Variants in HABP2 observed in about 807,000 individuals in gnomAD.
HABP2 encodes hyaluronan binding protein 2.
A neutral mutation model predicts 66.5 loss-of-function variants in HABP2; 65 were observed. The observed-to-expected ratio is 0.98, with a 90% CI of 0.80 to 1.20. HABP2 has a LOEUF of 1.20. Ranked by LOEUF, HABP2 falls within the 50% of genes most tolerant of loss-of-function variation. The pLI is 0.00. For synonymous variants in HABP2, 263 were observed against 253.9 expected, an observed-to-expected ratio of 1.04 and a Z score of -0.34; for missense variants, 786 against 691.0, an observed-to-expected ratio of 1.14 and a Z score of -1.54.
At chr10:113,582,572 A>G (rs1009323802) in intron 9 of HABP2, among the ~76,000 whole-genome samples, 3 of 152,200 alleles carry the variant, frequency 2.0e-5, no homozygotes, top group Non-Finnish European at 4.4e-5. Flanking sequence ...TTAAGTGGAC[A>G]AGTAAGATGG....
intron 2 of HABP2, 109 bp from the exon 3 acceptor site, chr10:113,574,180 T>C: frequency 4.5e-6 from 3 of 672,616 alleles, no homozygotes; most frequent in Non-Finnish European, 5.4e-6. Context: ...ACATGATTCC[T>C]CCTGCAGGAC....
intron 1 of HABP2, among the ~76,000 whole-genome samples, chr10:113,558,517 C>T (rs551267013): frequency 6.6e-6 from 1 of 152,320 alleles, no homozygotes; most frequent in East Asian, 1.9e-4. Context: ...CAGTCCTTCC[C>T]CCTGGTGGGA....
chr10:113,577,320 T>A (rs1845430218), intron 5 of HABP2, 54 bp downstream of exon 5: 2 of 913,286 alleles, frequency 2.2e-6, no homozygotes, highest in Non-Finnish European at 1.8e-6. Flanking sequence ...ATCTTGTACC[T>A]GCACCCTTCT....
chr10:113,578,366 C>T (rs1845453592), intron 6 of HABP2, among the ~76,000 whole-genome samples: 4 of 152,222 alleles, frequency 2.6e-5, no homozygotes, highest in South Asian at 2.1e-4. Flanking sequence ...TCCCTAGGCC[C>T]TAGCCCACCT....
intron 12 of HABP2, among the ~76,000 whole-genome samples, chr10:113,586,472 G>T (rs1215905105): frequency 1.1e-5 from 1 of 88,304 alleles, no homozygotes. Context: ...GTGTGTGTGT[G>T]TGTGGGGGGG....
intron 7 of HABP2, among the ~76,000 whole-genome samples, 186 bp from the exon 8 acceptor site, chr10:113,580,409 A>AT (rs1204992461): frequency 6.6e-6 from 1 of 152,124 alleles, no homozygotes; most frequent in African/African-American, 2.4e-5. Flanking sequence ...AGAAGAAAAG[A>AT]TTTTGCCAGA....
At position 113,582,140 on chromosome 10, in the gene HABP2, C is replaced by A. The variant is rs770805362; in HGVS notation, c.1094+9C>A. 1 of 1,596,116 alleles carries A rather than the reference C, an allele frequency of 6.3e-7. No homozygotes were observed. The highest frequency in any genetic ancestry group is 8.5e-7 in the Non-Finnish European group (1 of 1,177,364). Reference sequence around the variant, plus strand: ...GCTGCCCACTGCACCGAGTAGGTGCCGCTGGGAGCAGGGACCAGGGTGGCT... The same window carrying A: ...GCTGCCCACTGCACCGAGTAGGTGCAGCTGGGAGCAGGGACCAGGGTGGCT... On this transcript the variant is annotated intron_variant, in intron 9 of 12. Transcript: ENST00000351270.
chr10:113,578,901 C>A (rs577334237), intron 7 of HABP2, 103 bp downstream of exon 7: 9 of 795,146 alleles, frequency 1.1e-5, no homozygotes, highest in South Asian at 6.4e-5. Flanking sequence ...TCTTACTCAG[C>A]AAGGCAATGT....
At chr10:113,563,284 G>C (rs1845133655) in intron 1 of HABP2, among the ~76,000 whole-genome samples, 2 of 152,206 alleles carry the variant, frequency 1.3e-5, no homozygotes, top group Admixed American at 1.3e-4. Context: ...ATGATGGAAT[G>C]AAAGGAGGCA....
At chr10:113,577,867 C>T (rs991452899) in intron 5 of HABP2, among the ~76,000 whole-genome samples, 159 bp from the exon 6 acceptor site, 1 of 152,224 alleles carries the variant, frequency 6.6e-6, no homozygotes, top group African/African-American at 2.4e-5. Flanking sequence ...TCTGTGTACA[C>T]TTACTAGAGT....
chr10:113,588,686 G>GCAAATGCAGACTCCAGAATCCC lies in HABP2; in HGVS notation c.*320_*341dup. ...AGACTGCCTCCACCACAGGCATCCT[G>GCAAATGCAGACTCCAGAATCCC]CAAATGCAGACTCCAGAATCCCCAG... On this transcript the variant is annotated 3_prime_UTR_variant, in exon 13 of 13. Coordinates refer to ENST00000351270, the MANE Select transcript of HABP2 (RefSeq NM_004132.5). 3.7e-6 allele frequency: 2 copies of GCAAATGCAGACTCCAGAATCCC among 536,670 alleles called. No homozygotes were observed. Among genetic ancestry groups the GCAAATGCAGACTCCAGAATCCC allele is most frequent in the Admixed American group, 6.9e-5 (2 of 28,780 alleles). 33.2% of individuals were successfully genotyped at this position (536,670 alleles called of 1,614,324 possible).
intron 1 of HABP2, among the ~76,000 whole-genome samples, chr10:113,559,944 C>A (rs549436538): frequency 2.0e-5 from 3 of 152,174 alleles, no homozygotes; most frequent in African/African-American, 4.8e-5. Context: ...CCCTCCCCTG[C>A]CCCAATGTGT....
intron 8 of HABP2, 117 bp downstream of exon 8, chr10:113,580,809 A>C: frequency 3.2e-6 from 2 of 628,938 alleles, no homozygotes; most frequent in Non-Finnish European, 5.7e-6. Flanking sequence ...CTGCTTTACC[A>C]ATTCCCATCC....
intron 6 of HABP2, among the ~76,000 whole-genome samples, 177 bp downstream of exon 6, chr10:113,578,322 G>A (rs1845452404): frequency 6.6e-6 from 1 of 152,156 alleles, no homozygotes; most frequent in East Asian, 1.9e-4. Flanking sequence ...TAATAAACTG[G>A]GGTGTAGTGC....
Position 113,589,268 on chromosome 10 carries a change from T to G in HABP2, c.*899T>G, listed in dbSNP as rs1433142020. Reference sequence around the variant, plus strand: ...GGCAGGAATGAGAAAGCAAAGCCAATCTCTCATTTAGACCTGGCTTCTTTC... The same window carrying G: ...GGCAGGAATGAGAAAGCAAAGCCAAGCTCTCATTTAGACCTGGCTTCTTTC... On this transcript the variant is annotated 3_prime_UTR_variant, in exon 13 of 13. Coordinates refer to ENST00000351270, the MANE Select transcript of HABP2 (RefSeq NM_004132.5). The G allele has an allele frequency of 5.1e-6, 3 of 593,260 alleles. No individual in the cohort carries two copies. The highest frequency in any genetic ancestry group is 5.9e-6 in the Non-Finnish European group (2 of 336,916). 36.7% of individuals were successfully genotyped at this position (593,260 alleles called of 1,614,324 possible).
intron 11 of HABP2, among the ~76,000 whole-genome samples, 196 bp downstream of exon 11, chr10:113,584,478 A>G (rs980861824): frequency 2.0e-5 from 3 of 152,196 alleles, no homozygotes. Context: ...AGTTTCTCTG[A>G]TCTCCATATC....
chr10:113,578,189 G>T, intron 6 of HABP2, 44 bp downstream of exon 6: 1 of 1,602,012 alleles, frequency 6.2e-7, no homozygotes, highest in South Asian at 1.1e-5. Context: ...GAGGCCTCTG[G>T]AACCCTTTCC....
chr10:113,573,918 A>G (rs1845358748), intron 2 of HABP2, among the ~76,000 whole-genome samples: 1 of 152,200 alleles, frequency 6.6e-6, no homozygotes, highest in Non-Finnish European at 1.5e-5. Context: ...AGGACCCTGT[A>G]GACGTGCTAG....
intron 2 of HABP2, among the ~76,000 whole-genome samples, chr10:113,569,338 A>G (rs1002937753): frequency 2.0e-5 from 3 of 152,182 alleles, no homozygotes; most frequent in Non-Finnish European, 4.4e-5. Flanking sequence ...GCTGAGTTGT[A>G]GAGATTGGGC....
Sources: allele counts gnomAD v4.1 joint callset (sites outside exome capture counted in the v4.1 genomes callset), GRCh38; gene constraint gnomAD v4.1.1; transcripts MANE v1.5; gene names NCBI Gene and HGNC (gene_info 2026-07-23, HGNC 2026-07-21).